The following NHSL2 variants were observed in gnomAD, a reference collection of about 807,000 sequenced individuals.
NHSL2 encodes the protein NHS-like protein 2.
A neutral mutation model predicts 53.4 loss-of-function variants in NHSL2; 27 were observed. That is an observed-to-expected ratio of 0.51 (90% CI 0.37 to 0.70). NHSL2 has a LOEUF of 0.70. Among genes scored for constraint, NHSL2 ranks in the 30% least tolerant of loss-of-function variants. The probability of loss-of-function intolerance (pLI) is 0.00; values close to 1 mark genes in which losing one functional copy is unlikely to be tolerated. For missense variants in NHSL2, 892 were observed against 980.1 expected, an observed-to-expected ratio of 0.91 and a Z score of 1.20; for synonymous variants, 408 against 404.1, an observed-to-expected ratio of 1.01 and a Z score of -0.12.
intron 1 of NHSL2, among the ~76,000 whole-genome samples, chrX:72,050,479 C>G: frequency 9.0e-6 from 1 of 111,541 alleles, no homozygotes; most frequent in East Asian, 2.8e-4. Flanking sequence ...TTAAAAAACA[C>G]TAAGGAAAAA....
intron 1 of NHSL2, among the ~76,000 whole-genome samples, chrX:72,037,610 C>G (rs776131119): frequency 5.6e-4 from 62 of 111,509 alleles, no homozygotes; most frequent in Non-Finnish European, 9.0e-4. Flanking sequence ...TTACCCAGGA[C>G]TGATGCTGGT....
At chrX:71,947,582 T>A (rs982649603) in intron 1 of NHSL2, among the ~76,000 whole-genome samples, 1 of 111,932 alleles carries the variant, frequency 8.9e-6, no homozygotes, top group African/African-American at 3.2e-5. Context: ...ATTGAATGCC[T>A]CCTGGGTGTC....
intron 1 of NHSL2, among the ~76,000 whole-genome samples, chrX:72,016,814 G>A (rs2042138000): frequency 8.9e-6 from 1 of 111,891 alleles, no homozygotes; most frequent in South Asian, 3.7e-4. Context: ...CCAAAGTAGG[G>A]GCAACTCTTC....
chrX:72,053,169 A>C (rs776243263), intron 1 of NHSL2, among the ~76,000 whole-genome samples: 15 of 112,254 alleles, frequency 1.3e-4, no homozygotes, highest in African/African-American at 4.5e-4. Context: ...GAGTGCAGCA[A>C]ACCAGGAATT....
Position 71,988,136 on chromosome X carries a change from G to A in NHSL2, c.280+76769G>A, listed in dbSNP as rs903613171. On this transcript the variant is annotated intron_variant, in intron 1 of 7. Coordinates refer to ENST00000633930, the MANE Select transcript of NHSL2 (RefSeq NM_001013627.3). ...AAGAAAGAGAGAAAAACATTGCTGC[G>A]GCAGGATGGGGAAGGCGAGTTGCTC... 2.7e-5 allele frequency among the ~76,000 whole-genome samples: 3 copies of A among 111,995 alleles called. No individual in the cohort carries two copies. The Admixed American group carries it at 2.8e-4, about 11-fold the overall frequency.
chrX:71,949,815 T>A (rs1202640900), intron 1 of NHSL2, among the ~76,000 whole-genome samples: 1 of 112,416 alleles, frequency 8.9e-6, no homozygotes, highest in African/African-American at 3.2e-5. Flanking sequence ...AAACTCGAAA[T>A]CCCCCCTCTG....
At chrX:71,995,475 C>T (rs1225240336) in intron 1 of NHSL2, among the ~76,000 whole-genome samples, 2 of 112,183 alleles carry the variant, frequency 1.8e-5, no homozygotes, top group East Asian at 5.6e-4. Flanking sequence ...TCCTGCTCTC[C>T]TGCTACTCCT....
At chrX:71,984,285 T>C (rs775985768) in intron 1 of NHSL2, among the ~76,000 whole-genome samples, 1 of 112,160 alleles carries the variant, frequency 8.9e-6, no homozygotes, top group South Asian at 3.7e-4. Context: ...TTAATAAGTA[T>C]TCAATGTAAG....
chrX:72,144,402 G>T lies in NHSL2; in HGVS notation c.*828G>T. On this transcript the variant is annotated 3_prime_UTR_variant, in exon 8 of 8. Transcript: ENST00000633930. The stretch of plus-strand genomic sequence containing the variant: ...GCACCTTGAGATCCTCCATGTGTCT[G>T]TCAACAGCGATAGGCAGGATCTGCG... The T allele has an allele frequency of 3.7e-6, 2 of 543,061 alleles. No individual in the cohort carries two copies. 44.8% of individuals were successfully genotyped at this position (543,061 alleles called of 1,213,427 possible). A position where few individuals can be genotyped will look rare whatever the true frequency, so the allele number is the denominator to read the frequency against.
chrX:72,137,531 C>T (rs1298946264), intron 5 of NHSL2, among the ~76,000 whole-genome samples: 1 of 111,931 alleles, frequency 8.9e-6, no homozygotes, highest in African/African-American at 3.3e-5. Flanking sequence ...GAGGGTTCCT[C>T]ACCATCATCT....
At chrX:72,121,813 A>C (rs953482661) in intron 1 of NHSL2, among the ~76,000 whole-genome samples, 2 of 112,172 alleles carry the variant, frequency 1.8e-5, no homozygotes, top group Non-Finnish European at 3.8e-5. Flanking sequence ...CATGAACCTC[A>C]AACAACAATT....
chrX:71,926,625 A>AAT lies in NHSL2; in HGVS notation c.280+15262_280+15263dup, dbSNP rs202152447. ...GGCTGTTCATTAAAATCACCTTGAG[A>AAT]ATATACATATATATACATACACCAA... On this transcript the variant is annotated intron_variant, in intron 1 of 7. Transcript: ENST00000633930. 5.3e-3 allele frequency among the ~76,000 whole-genome samples: 575 copies of AAT among 108,981 alleles called. 7 individuals carry two copies. Among genetic ancestry groups the AAT allele is most frequent in the South Asian group, 0.019 (46 of 2,414 alleles). The allele number at this position is 108,981 out of a possible 115,157, so 94.6% of individuals were successfully genotyped here. A position where few individuals can be genotyped will look rare whatever the true frequency, so the allele number is the denominator to read the frequency against.
intron 1 of NHSL2, chrX:72,131,157 C>A (rs948745628): frequency 9.5e-7 from 1 of 1,057,659 alleles, no homozygotes; most frequent in Admixed American, 3.3e-5. Flanking sequence ...GCAGCGCCGG[C>A]GGGGGCGGGA....
rs1308240230 is a variant in NHSL2, at chrX:71,978,927, A to G, written c.280+67560A>G. Among the ~76,000 whole-genome samples, 4 of 57,735 alleles carry G rather than the reference A, an allele frequency of 6.9e-5. No individual in the cohort carries two copies. The Admixed American group carries it at 7.2e-4, about 10-fold the overall frequency. The allele number at this position is 57,735 out of a possible 115,157, so 50.1% of individuals were successfully genotyped here. A position where few individuals can be genotyped will look rare whatever the true frequency, so the allele number is the denominator to read the frequency against. On this transcript the variant is annotated intron_variant, in intron 1 of 7. Transcript: ENST00000633930. ...CCCTCCACCCTCCCCCCACCCCACA[A>G]CAGTCCCCAGTGTGTGATGTTTCCC...
rs1280276222 is a variant in NHSL2 at position 72,146,553 on chromosome X, G to T, written c.*2979G>T. The T allele has an allele frequency of 8.9e-6, 1 of 111,791 alleles. No homozygotes were observed. The highest frequency in any genetic ancestry group is 3.3e-5 in the African/African-American group (1 of 30,681). 9.2% of individuals were successfully genotyped at this position (111,791 alleles called of 1,213,427 possible). A position where few individuals can be genotyped will look rare whatever the true frequency, so the allele number is the denominator to read the frequency against. ...TTGAGTGAAATGAAGTTGGCCCTAG[G>T]AGCTCAGCTTCCATTTCAAGTCGTC... On this transcript the variant is annotated 3_prime_UTR_variant, in exon 8 of 8. Transcript: ENST00000633930.
chrX:72,044,591 G>T, intron 1 of NHSL2: 1 of 1,073,189 alleles, frequency 9.3e-7, no homozygotes, highest in Non-Finnish European at 1.3e-6. Context: ...AAGGGCCGCG[G>T]CCACGTGCAG....
chrX:72,095,528 G>A (rs1479331642), intron 1 of NHSL2, among the ~76,000 whole-genome samples: 1 of 112,495 alleles, frequency 8.9e-6, no homozygotes, highest in Non-Finnish European at 1.9e-5. Flanking sequence ...AGTTAGAGTA[G>A]TCATCCAGGA....
Position 71,944,850 on chromosome X carries a change from T to C in NHSL2, c.280+33483T>C, listed in dbSNP as rs186956314. Among the ~76,000 whole-genome samples, 4 of 112,287 alleles carry C rather than the reference T, an allele frequency of 3.6e-5. No individual in the cohort carries two copies. In the Admixed American group the frequency reaches 3.8e-4, roughly 11 times the overall value. On this transcript the variant is annotated intron_variant, in intron 1 of 7. Transcript: ENST00000633930. ...TAGAAACAACCCAAACAGCCAATAA[T>C]AGGGATTTGGCTAAGCAGACTGTGA...
chrX:72,023,215 A>G (rs2042168696), intron 1 of NHSL2, among the ~76,000 whole-genome samples: 1 of 112,812 alleles, frequency 8.9e-6, no homozygotes, highest in African/African-American at 3.2e-5. Flanking sequence ...AAGTCCAATG[A>G]CATAAGATTG....
Sources: gnomAD v4.1 joint callset for allele counts (sites outside exome capture counted in the v4.1 genomes callset) on GRCh38, gnomAD v4.1.1 for gene constraint, MANE v1.5 for transcripts, NCBI Gene and HGNC (gene_info 2026-07-23, HGNC 2026-07-21) for gene names.